The following ENDOV variants were observed in gnomAD, a reference collection of about 807,000 sequenced individuals.
ENDOV encodes hEndoV.
In ENDOV, 37 loss-of-function variants were observed where a neutral mutation model predicts 39.4. That is an observed-to-expected ratio of 0.94 (90% CI 0.72 to 1.23). The LOEUF (loss-of-function observed/expected upper bound fraction) is 1.23. Among genes scored for constraint, ENDOV ranks in the 50% most tolerant of loss-of-function variants. The pLI, the probability that ENDOV is intolerant of heterozygous loss-of-function variation, is 0.00. For synonymous variants in ENDOV, 186 were observed against 163.4 expected, an observed-to-expected ratio of 1.14 and a Z score of -1.05; for missense variants, 441 against 375.7, an observed-to-expected ratio of 1.17 and a Z score of -1.44.
At chr17:80,421,751 G>T in intron 2 of ENDOV, 77 bp from the exon 3 acceptor site, 2 of 1,519,798 alleles carry the variant, frequency 1.3e-6, no homozygotes, top group Middle Eastern at 1.9e-4. Context: ...GATGAGGGGG[G>T]CAGGGCATGG....
chr17:80,423,645 C>T lies in ENDOV; in HGVS notation c.516+13C>T. On this transcript the variant is annotated intron_variant, in intron 5 of 9. Coordinates refer to ENST00000518137, the MANE Select transcript of ENDOV (RefSeq NM_173627.5). ...GCACAAGGAGAAGGTGAGGAGGGGCCTGCTGCAGGCCATGCCCGGCAGCTC... is the reference window on the plus strand; with the variant it reads ...GCACAAGGAGAAGGTGAGGAGGGGCTTGCTGCAGGCCATGCCCGGCAGCTC... The T allele has an allele frequency of 6.5e-7, 1 of 1,548,490 alleles. No homozygotes were observed. The highest frequency in any genetic ancestry group is 8.7e-7 in the Non-Finnish European group (1 of 1,146,638).
At chr17:80,432,960 G>T (rs751260474) in intron 9 of ENDOV, among the ~76,000 whole-genome samples, 1 of 152,168 alleles carries the variant, frequency 6.6e-6, no homozygotes, top group Non-Finnish European at 1.5e-5. Flanking sequence ...CCAGAGCCTG[G>T]TGTCCAGGAT....
rs895445056 is a variant in ENDOV, at chr17:80,436,515, C to A, written c.*372C>A. 3.5e-5 allele frequency: 17 copies of A among 480,002 alleles called. No homozygotes were observed. In the Admixed American group the frequency reaches 5.3e-4, roughly 15 times the overall value. The allele number at this position is 480,002 out of a possible 1,614,324, so 29.7% of individuals were successfully genotyped here. ...TGGATTTTGTCAAATGCTTTTCTGG[C>A]CTCTATTGAAAAGATCCTGTGTTCT... On this transcript the variant is annotated 3_prime_UTR_variant, in exon 10 of 10. Coordinates refer to ENST00000518137, the MANE Select transcript of ENDOV (RefSeq NM_173627.5).
intron 2 of ENDOV, chr17:80,418,272 C>G (rs187137451): frequency 1.3e-5 from 2 of 152,324 alleles, no homozygotes; most frequent in East Asian, 3.9e-4. Context: ...ACATGAAATG[C>G]ATGGAAAGCA....
At chr17:80,429,897 G>A (rs756504692) in intron 9 of ENDOV, 66 bp downstream of exon 9, 5 of 1,611,684 alleles carry the variant, frequency 3.1e-6, no homozygotes, top group Non-Finnish European at 4.2e-6. Flanking sequence ...AGGCTCCCAG[G>A]AGCAGGCGGG....
intron 8 of ENDOV, among the ~76,000 whole-genome samples, chr17:80,429,004 A>G (rs2083078026): frequency 1.3e-5 from 2 of 152,182 alleles, no homozygotes; most frequent in Non-Finnish European, 1.5e-5. Flanking sequence ...TCTGCAGAAA[A>G]GGCGTGGCCT....
intron 2 of ENDOV, among the ~76,000 whole-genome samples, chr17:80,421,535 G>T (rs1228093877): frequency 6.9e-6 from 1 of 144,070 alleles, no homozygotes; most frequent in African/African-American, 2.6e-5. Context: ...GGCGGGGTGG[G>T]GGTGCTGTTG....
At chr17:80,431,395 A>G (rs1018020227) in intron 9 of ENDOV, among the ~76,000 whole-genome samples, 3 of 152,220 alleles carry the variant, frequency 2.0e-5, no homozygotes, top group African/African-American at 7.2e-5. Context: ...TTGATGGAGC[A>G]GACTCTATTC....
chr17:80,433,805 C>T (rs2083460361), intron 9 of ENDOV, among the ~76,000 whole-genome samples: 1 of 152,188 alleles, frequency 6.6e-6, no homozygotes, highest in Admixed American at 6.5e-5. Flanking sequence ...CAGCTGAGGG[C>T]CTGGCCAGGA....
At chr17:80,416,731 C>T (rs1265171320) in intron 2 of ENDOV, among the ~76,000 whole-genome samples, 3 of 126,256 alleles carry the variant, frequency 2.4e-5, no homozygotes, top group African/African-American at 5.8e-5. Context: ...TTCCTTCCTT[C>T]CTCCCTTCCT....
chr17:80,429,684 G>A (rs1020084937), intron 8 of ENDOV, 89 bp from the exon 9 acceptor site: 2 of 1,300,876 alleles, frequency 1.5e-6, no homozygotes, highest in African/African-American at 3.0e-5. Context: ...TCCAGGCCAA[G>A]CGCAGTTCCC....
chr17:80,422,109 C>T, intron 3 of ENDOV, 97 bp from the exon 4 acceptor site: 2 of 1,576,340 alleles, frequency 1.3e-6, no homozygotes, highest in Non-Finnish European at 1.7e-6. Flanking sequence ...AAAAGCTGGA[C>T]CCCAGAGACA....
chr17:80,425,466 G>A (rs751001058), intron 6 of ENDOV, 26 bp from the exon 7 acceptor site: 6 of 1,584,118 alleles, frequency 3.8e-6, no homozygotes, highest in East Asian at 4.6e-5. Flanking sequence ...CAGCCCACAG[G>A]ACAGCCCTCG....
At chr17:80,415,474 C>T in intron 1 of ENDOV, 176 bp from the exon 2 acceptor site, 3 of 1,017,176 alleles carry the variant, frequency 2.9e-6, no homozygotes, top group Non-Finnish European at 4.2e-6. Context: ...CCTGCGCTTG[C>T]GCGGGTCTCC....
At chr17:80,431,733 C>A (rs1434476285) in intron 9 of ENDOV, among the ~76,000 whole-genome samples, 1 of 152,218 alleles carries the variant, frequency 6.6e-6, no homozygotes. Flanking sequence ...TGGACTGAGG[C>A]TCCCCTCACC....
At chr17:80,428,366 C>T in intron 7 of ENDOV, 2 of 565,878 alleles carry the variant, frequency 3.5e-6, no homozygotes, top group Non-Finnish European at 6.3e-6. Flanking sequence ...TCAGGGACTG[C>T]CCAGCTCGGT....
intron 9 of ENDOV, among the ~76,000 whole-genome samples, chr17:80,435,613 C>T (rs555502860): frequency 1.3e-5 from 2 of 151,972 alleles, no homozygotes; most frequent in East Asian, 3.9e-4. Context: ...TGCCACCATG[C>T]CTGGCTAATT....
intron 2 of ENDOV, among the ~76,000 whole-genome samples, chr17:80,421,527 CG>C (rs34936420): frequency 7.6e-5 from 3 of 39,698 alleles, no homozygotes; most frequent in African/African-American, 3.1e-4. Context: ...CCGGTGGGGG[CG>C]GGGTGGGGGT....
intron 5 of ENDOV, 64 bp from the exon 6 acceptor site, chr17:80,424,968 T>A: frequency 7.1e-7 from 1 of 1,401,714 alleles, no homozygotes; most frequent in Non-Finnish European, 9.9e-7. Flanking sequence ...AAATAGAGAC[T>A]TGCCTTCAGC....
Sources: gnomAD v4.1 joint callset for allele counts (sites outside exome capture counted in the v4.1 genomes callset) on GRCh38, gnomAD v4.1.1 for gene constraint, MANE v1.5 for transcripts, NCBI Gene and HGNC (gene_info 2026-07-23, HGNC 2026-07-21) for gene names.